SGIP1: variants seen among roughly 807,000 people sequenced by gnomAD.
SGIP1 encodes the protein SH3GL interacting endocytic adaptor 1.
In SGIP1, 38 loss-of-function variants were observed where a neutral mutation model predicts 107.5. The observed-to-expected ratio is 0.35, with a 90% CI of 0.27 to 0.46. The LOEUF is 0.46. SGIP1 is among the 20% of genes least tolerant of loss of function. SGIP1 has a pLI of 1.00. For missense variants in SGIP1, 929 were observed against 1,019.5 expected (o/e 0.91, Z 1.21); for synonymous variants, 365 against 366.1 (o/e 1.00, Z 0.03).
intron 7 of SGIP1, among the ~76,000 whole-genome samples, chr1:66,650,696 T>A (rs1250344568): frequency 6.6e-6 from 1 of 152,176 alleles, no homozygotes; most frequent in Non-Finnish European, 1.5e-5. Flanking sequence ...GCAGGTACCT[T>A]AAAACCTGTG....
chr1:66,582,904 G>GA (rs1024597412), intron 1 of SGIP1, among the ~76,000 whole-genome samples: 48 of 141,972 alleles, frequency 3.4e-4, no homozygotes, highest in South Asian at 1.3e-3. Context: ...TGTATGCTAG[G>GA]AAAAAAAAAA....
At position 66,679,704 on chromosome 1, in the gene SGIP1, G is replaced by A. The variant is rs769360754; in HGVS notation, c.766G>A (p.Val256Ile). The A allele has an allele frequency of 6.2e-7, 1 of 1,606,386 alleles. No homozygotes were observed. Among genetic ancestry groups the A allele is most frequent in the Non-Finnish European group, 8.5e-7 (1 of 1,178,028 alleles). ...GTPPPLPPKN[V>I]PATPPRTGSP... ...ACCTCCACCACTGCCTCCAAAAAAT[G>A]TACCAGCTACCCCACCCCGAACAGG... The change falls in exon 14 of 25, where the codon GTA becomes ATA. Residue 256 changes from valine to isoleucine, a missense_variant. Coordinates refer to ENST00000371037, the MANE Select transcript of SGIP1 (RefSeq NM_032291.4).
intron 21 of SGIP1, among the ~76,000 whole-genome samples, chr1:66,734,908 G>C (rs2094166168): frequency 6.6e-6 from 1 of 152,086 alleles, no homozygotes. Flanking sequence ...GTACGTTATG[G>C]AATGACTAAA....
At chr1:66,724,282 A>G (rs1352743317) in intron 19 of SGIP1, among the ~76,000 whole-genome samples, 2 of 152,210 alleles carry the variant, frequency 1.3e-5, no homozygotes, top group Admixed American at 1.3e-4. Context: ...GAGGATTCAC[A>G]TGATTTCTTA....
chr1:66,690,435 C>A, intron 17 of SGIP1, 119 bp downstream of exon 17: 1 of 1,392,980 alleles, frequency 7.2e-7, no homozygotes, highest in Non-Finnish European at 9.8e-7. Flanking sequence ...TGTTTTGCTA[C>A]TATTACCTGA....
intron 1 of SGIP1, among the ~76,000 whole-genome samples, chr1:66,563,004 T>C (rs1344900621): frequency 6.6e-6 from 1 of 151,954 alleles, no homozygotes; most frequent in Non-Finnish European, 1.5e-5. Context: ...ACTCACACTC[T>C]CTTGCATGTG....
intron 2 of SGIP1, among the ~76,000 whole-genome samples, chr1:66,629,218 C>A (rs570166026): frequency 2.1e-4 from 32 of 152,300 alleles, no homozygotes; most frequent in African/African-American, 7.5e-4. Flanking sequence ...CCAACTTCAG[C>A]TGATTGAACC....
chr1:66,545,747 G>T (rs573003217), intron 1 of SGIP1, among the ~76,000 whole-genome samples: 1 of 151,848 alleles, frequency 6.6e-6, no homozygotes, highest in African/African-American at 2.4e-5. Flanking sequence ...TGGCATGGCA[G>T]GTCCAAAATT....
At chr1:66,624,630 G>A (rs2072146952) in intron 1 of SGIP1, among the ~76,000 whole-genome samples, 1 of 152,106 alleles carries the variant, frequency 6.6e-6, no homozygotes, top group Admixed American at 6.6e-5. Context: ...ACATGTTTTG[G>A]AAAAATGTAT....
chr1:66,670,782 C>A (rs2083588836), intron 9 of SGIP1, among the ~76,000 whole-genome samples: 1 of 152,096 alleles, frequency 6.6e-6, no homozygotes, highest in Non-Finnish European at 1.5e-5. Context: ...TTACGATTTA[C>A]CCTTTCTTCC....
At chr1:66,723,312 T>C (rs780650978) in intron 19 of SGIP1, among the ~76,000 whole-genome samples, 1 of 152,204 alleles carries the variant, frequency 6.6e-6, no homozygotes, top group Non-Finnish European at 1.5e-5. Flanking sequence ...AAATCTACTA[T>C]CTTAATTTTT....
At chr1:66,650,448 C>T (rs1489625545) in intron 7 of SGIP1, among the ~76,000 whole-genome samples, 1 of 152,118 alleles carries the variant, frequency 6.6e-6, no homozygotes, top group African/African-American at 2.4e-5. Flanking sequence ...ACTGAACAGT[C>T]TGAGAAAACA....
chr1:66,549,178 CCTT>C (rs2057007297), intron 1 of SGIP1, among the ~76,000 whole-genome samples: 2 of 151,406 alleles, frequency 1.3e-5, no homozygotes, highest in African/African-American at 4.9e-5. Flanking sequence ...TTCCTTCCTT[CCTT>C]CCTTCCTTCC....
intron 17 of SGIP1, among the ~76,000 whole-genome samples, chr1:66,693,059 TG>T (rs200061072): frequency 0.016 from 2,411 of 152,164 alleles, 64 homozygotes; most frequent in African/African-American, 0.055. Context: ...TAAGATAAAA[TG>T]TTTTTTTATT....
At chr1:66,675,638 G>A (rs1557577458) in intron 12 of SGIP1, among the ~76,000 whole-genome samples, 2 of 138,896 alleles carry the variant, frequency 1.4e-5, no homozygotes, top group Non-Finnish European at 3.0e-5. Context: ...CTCCCACAGC[G>A]ATCCTCCCAC....
At chr1:66,550,629 A>G (rs2057262794) in intron 1 of SGIP1, among the ~76,000 whole-genome samples, 1 of 152,192 alleles carries the variant, frequency 6.6e-6, no homozygotes, top group African/African-American at 2.4e-5. Context: ...TTAACATAAA[A>G]ATAGCTATCA....
At chr1:66,535,425 C>T (rs933418327) in intron 1 of SGIP1, among the ~76,000 whole-genome samples, 5 of 152,168 alleles carry the variant, frequency 3.3e-5, no homozygotes, top group African/African-American at 9.7e-5. Flanking sequence ...GTTTGTCCTA[C>T]GGATTTTAAC....
intron 1 of SGIP1, among the ~76,000 whole-genome samples, chr1:66,614,799 T>C (rs1489036871): frequency 6.7e-6 from 1 of 148,594 alleles, no homozygotes; most frequent in Non-Finnish European, 1.5e-5. Context: ...AGGGGCTATG[T>C]TCCAGCTGTC....
chr1:66,688,073 C>T (rs1043900587), intron 15 of SGIP1, among the ~76,000 whole-genome samples: 3 of 151,916 alleles, frequency 2.0e-5, no homozygotes, highest in Non-Finnish European at 4.4e-5. Context: ...CTCCAGAGAT[C>T]CCAGTTTTGT....
Sources: gnomAD v4.1 joint callset for allele counts (sites outside exome capture counted in the v4.1 genomes callset) on GRCh38, gnomAD v4.1.1 for gene constraint, MANE v1.5 for transcripts, NCBI Gene and HGNC (gene_info 2026-07-23, HGNC 2026-07-21) for gene names.